Variants in ACACA observed in about 807,000 individuals in gnomAD.
The protein encoded by ACACA is acetyl-CoA carboxylase alpha.
In ACACA, 103 loss-of-function variants were observed where a neutral mutation model predicts 296.1. That is an observed-to-expected ratio of 0.35 (90% CI 0.30 to 0.41). ACACA has a LOEUF of 0.41. Among genes scored for constraint, ACACA ranks in the 10% least tolerant of loss-of-function variants. The pLI is 1.00. For missense variants in ACACA, 1,554 were observed against 2,989.7 expected (o/e 0.52, Z 11.20); for synonymous variants, 953 against 1,038.6 (o/e 0.92, Z 1.58).
At position 37,406,437 on chromosome 17, in the gene ACACA, TC is replaced by T. The variant is rs2051513446; in HGVS notation, c.-139del. ...CACCCCTTAAAATCAGTCTGGTTCA[TC>T]CACGAGCAGCCCTTCGGGGCCCGGA... On this transcript the variant is annotated 5_prime_UTR_variant, in exon 1 of 56. Coordinates refer to ENST00000616317, the MANE Select transcript of ACACA (RefSeq NM_198834.3). The T allele has an allele frequency of 4.0e-6, 4 of 1,005,274 alleles. 1 individual carries two copies. The South Asian group carries it at 5.1e-5, about 13-fold the overall frequency. 62.3% of individuals were successfully genotyped at this position (1,005,274 alleles called of 1,614,324 possible). A position where few individuals can be genotyped will look rare whatever the true frequency, so the allele number is the denominator to read the frequency against.
In ACACA at chr17:37,330,382, G is replaced by A; in HGVS notation, c.129C>T (p.Pro43=). The A allele has an allele frequency of 1.2e-6, 2 of 1,614,204 alleles. No individual in the cohort carries two copies. The highest frequency in any genetic ancestry group is 1.7e-6 in the Non-Finnish European group (2 of 1,180,034). The change falls in exon 3 of 56, where the codon CCC becomes CCT. Residue 43 remains proline, a synonymous_variant. Transcript: ENST00000616317. ...HFGGIMDEPS[P]LAQPLELNQH... ...GGTTCAGCTCCAGAGGTTGGGCCAA[G>A]GGAGATGGTTCATCCATTATTCCTC...
Position 37,311,649 on chromosome 17 carries a change from T to C in ACACA, c.338+18524A>G, listed in dbSNP as rs186565724. Among the ~76,000 whole-genome samples the C allele has an allele frequency of 7.2e-5, 11 of 152,162 alleles. No individual in the cohort carries two copies. The East Asian group carries it at 2.1e-3, about 29-fold the overall frequency. ...GACAATGGAGAAGAAATGAAATTACTGTTGCAGAAAATGGAAGGCCAAATT... is the reference window on the plus strand; with the variant it reads ...GACAATGGAGAAGAAATGAAATTACCGTTGCAGAAAATGGAAGGCCAAATT... On this transcript the variant is annotated intron_variant, in intron 3 of 55. Coordinates refer to ENST00000616317, the MANE Select transcript of ACACA (RefSeq NM_198834.3).
rs908457283 is a variant in ACACA at position 37,242,024 on chromosome 17, A to T, written c.2961T>A (p.Ala987=). The change falls in exon 23 of 56, where the codon GCT becomes GCA. Residue 987 remains alanine (A), a synonymous_variant. Transcript: ENST00000616317. The part of the protein sequence containing the change: ...QIANILDSHA[A]TLNRKSEREV... ...CCCGTTCAGATTTCCGGTTCAATGT[A>T]GCTGCATGGCTATCTAGGATGTTTG... 6.2e-7 allele frequency: 1 copy of T among 1,614,038 alleles called. No homozygotes were observed. Among genetic ancestry groups the T allele is most frequent in the Non-Finnish European group, 8.5e-7 (1 of 1,179,992 alleles).
intron 2 of ACACA, among the ~76,000 whole-genome samples, chr17:37,330,720 A>G (rs1021518073): frequency 6.6e-6 from 1 of 152,206 alleles, no homozygotes; most frequent in African/African-American, 2.4e-5. Context: ...TCCAGGAAAT[A>G]ATTATGATCA....
At chr17:37,256,943 C>CTTGT (rs2081255978) in intron 14 of ACACA, among the ~76,000 whole-genome samples, 3 of 151,820 alleles carry the variant, frequency 2.0e-5, no homozygotes, top group Admixed American at 2.0e-4. Flanking sequence ...GGCAATAAAC[C>CTTGT]ATTAAAAAAC....
At chr17:37,243,646 G>C in intron 21 of ACACA, 87 bp from the exon 22 acceptor site, 2 of 1,446,592 alleles carry the variant, frequency 1.4e-6, no homozygotes, top group South Asian at 2.3e-5. Flanking sequence ...TGTATACGTG[G>C]GAAATTGGTT....
At chr17:37,289,647 A>G (rs1190100424) in intron 3 of ACACA, 1 of 536,884 alleles carries the variant, frequency 1.9e-6, no homozygotes, top group Non-Finnish European at 3.5e-6. Flanking sequence ...GCTCTCCGGC[A>G]GTAATATAAT....
chr17:37,378,465 C>T (rs1377502445), intron 1 of ACACA, among the ~76,000 whole-genome samples: 4 of 152,220 alleles, frequency 2.6e-5, no homozygotes, highest in Admixed American at 6.5e-5. Context: ...GTAATCCCAG[C>T]ACTTTGGGAG....
intron 3 of ACACA, among the ~76,000 whole-genome samples, chr17:37,291,080 C>CAAAA (rs57643200): frequency 1.2e-5 from 1 of 85,216 alleles, no homozygotes; most frequent in African/African-American, 4.4e-5. Context: ...GACTCTGTCT[C>CAAAA]AAAAAAAAAA....
chr17:37,101,037 C>T (rs545630126), intron 52 of ACACA, among the ~76,000 whole-genome samples: 2 of 146,990 alleles, frequency 1.4e-5, no homozygotes, highest in African/African-American at 5.0e-5. Context: ...CTGGAGTTTG[C>T]AGTGAGTTAA....
At chr17:37,242,876 A>G (rs2080489297) in intron 22 of ACACA, among the ~76,000 whole-genome samples, 1 of 152,184 alleles carries the variant, frequency 6.6e-6, no homozygotes, top group Non-Finnish European at 1.5e-5. Context: ...TGACTACTAA[A>G]AATGCAAAAA....
At chr17:37,155,264 A>G (rs997931322) in intron 43 of ACACA, among the ~76,000 whole-genome samples, 5 of 152,160 alleles carry the variant, frequency 3.3e-5, no homozygotes, top group Non-Finnish European at 7.4e-5. Flanking sequence ...TGTTTTAAGA[A>G]TACACGAAAT....
intron 42 of ACACA, chr17:37,161,548 C>T (rs915027228): frequency 2.2e-5 from 13 of 589,506 alleles, no homozygotes; most frequent in Non-Finnish European, 3.9e-5. Flanking sequence ...TAGTGCTCAA[C>T]CAAAGAAACA....
intron 25 of ACACA, among the ~76,000 whole-genome samples, chr17:37,230,328 G>A (rs182497150): frequency 2.4e-4 from 37 of 151,526 alleles, no homozygotes; most frequent in Middle Eastern, 3.4e-3. Flanking sequence ...AGGTTGTGGT[G>A]AGCCAAGATC....
At chr17:37,181,816 C>T (rs1298211960) in intron 39 of ACACA, among the ~76,000 whole-genome samples, 9 of 133,310 alleles carry the variant, frequency 6.8e-5, no homozygotes, top group Admixed American at 1.8e-4. Flanking sequence ...AGGAGAATGG[C>T]GTGAACCCAG....
chr17:37,277,458 C>T (rs745682160), intron 6 of ACACA, among the ~76,000 whole-genome samples: 38 of 152,344 alleles, frequency 2.5e-4, no homozygotes, highest in South Asian at 1.0e-3. Flanking sequence ...ACTATGGCCA[C>T]TCCATTACAT....
chr17:37,332,773 G>A (rs1308353541), intron 2 of ACACA, among the ~76,000 whole-genome samples: 1 of 152,014 alleles, frequency 6.6e-6, no homozygotes, highest in Non-Finnish European at 1.5e-5. Flanking sequence ...TTAGCTGGGT[G>A]TGGTAACAAG....
At chr17:37,391,529 A>C (rs1471783961) in intron 1 of ACACA, 2 of 870,230 alleles carry the variant, frequency 2.3e-6, no homozygotes, top group East Asian at 4.8e-5. Context: ...CAAAGAGGCA[A>C]AATGAAGTGC....
Position 37,244,523 on chromosome 17 carries a change from T to G in ACACA, c.2742+65A>C. 3.2e-6 allele frequency: 5 copies of G among 1,583,328 alleles called. No individual in the cohort carries two copies. The South Asian group carries it at 5.5e-5, about 18-fold the overall frequency. ...CCTCTTAAACAATCATTATGAGACT[T>G]GGAACTATTTTGGAGAATAGGTATC... On this transcript the variant is annotated intron_variant, in intron 21 of 55. Transcript: ENST00000616317.
Sources: gnomAD v4.1 joint callset for allele counts (sites outside exome capture counted in the v4.1 genomes callset) on GRCh38, gnomAD v4.1.1 for gene constraint, MANE v1.5 for transcripts, NCBI Gene and HGNC (gene_info 2026-07-23, HGNC 2026-07-21) for gene names.